COPB2: variants seen among roughly 807,000 people sequenced by gnomAD.
COPB2 encodes coat protein complex I subunit beta 2, also known as coatomer subunit beta'.
COPB2 carries 16 observed loss-of-function variants against 120.8 expected under a neutral mutation model. The ratio of observed to expected loss-of-function variants is 0.13; its 90% CI spans 0.09 to 0.20. The LOEUF (loss-of-function observed/expected upper bound fraction) is 0.20, where lower values mean the gene tolerates loss of function less well. Among genes scored for constraint, COPB2 ranks in the 10% least tolerant of loss-of-function variants. COPB2 has a pLI of 1.00. For missense variants in COPB2, 794 were observed against 1,076.5 expected (o/e 0.74, Z 3.67); for synonymous variants, 332 against 366.3 (o/e 0.91, Z 1.07).
chr3:139,386,263 GT>G (rs943792444), intron 1 of COPB2, among the ~76,000 whole-genome samples: 73 of 135,202 alleles, frequency 5.4e-4, no homozygotes, highest in African/African-American at 1.5e-3. Flanking sequence ...CTACTTTCTT[GT>G]TTTTTTTTTT....
At chr3:139,381,818 A>G (rs1246038142) in intron 2 of COPB2, 1 of 152,184 alleles carries the variant, frequency 6.6e-6, no homozygotes, top group Admixed American at 6.5e-5. Flanking sequence ...GGGAATCCCT[A>G]GGAATAATCA....
intron 1 of COPB2, among the ~76,000 whole-genome samples, chr3:139,383,637 G>T (rs1277761607): frequency 6.6e-6 from 1 of 152,102 alleles, no homozygotes. Context: ...AAGATTTACA[G>T]CAGTGGTCTT....
At chr3:139,368,323 G>T in intron 12 of COPB2, 35 bp from the exon 13 acceptor site, 1 of 1,590,452 alleles carries the variant, frequency 6.3e-7, no homozygotes, top group South Asian at 1.1e-5. Context: ...AACTGATTTG[G>T]ATTTCTGAGT....
chr3:139,385,333 G>A (rs1017589299), intron 1 of COPB2: 3 of 152,148 alleles, frequency 2.0e-5, no homozygotes, highest in Non-Finnish European at 2.9e-5. Flanking sequence ...CCCCGCACCC[G>A]GCCAATGAAT....
chr3:139,389,495 G>T (rs949192831), intron 1 of COPB2, 53 bp downstream of exon 1: 20 of 1,522,606 alleles, frequency 1.3e-5, no homozygotes, highest in Non-Finnish European at 1.8e-5. Flanking sequence ...GAAGCTCCAG[G>T]AATCGGCCGT....
chr3:139,384,943 G>A (rs932232822), intron 1 of COPB2: 2 of 152,180 alleles, frequency 1.3e-5, no homozygotes, highest in Admixed American at 6.5e-5. Flanking sequence ...GACTCTTAAG[G>A]AATCGCAGAC....
At chr3:139,371,687 TC>T in intron 10 of COPB2, 35 bp downstream of exon 10, 2 of 1,554,422 alleles carry the variant, frequency 1.3e-6, no homozygotes, top group Non-Finnish European at 1.8e-6. Context: ...ACATCTGCAA[TC>T]AGGGCATGCT....
At chr3:139,366,317 G>A (rs1941514559) in intron 15 of COPB2, among the ~76,000 whole-genome samples, 1 of 151,822 alleles carries the variant, frequency 6.6e-6, no homozygotes, top group South Asian at 2.1e-4. Flanking sequence ...TCAGGAGACT[G>A]GAAAATAAGT....
intron 15 of COPB2, 78 bp from the exon 16 acceptor site, chr3:139,362,595 CACAT>C: frequency 2.6e-6 from 2 of 761,264 alleles, no homozygotes; most frequent in Non-Finnish European, 2.0e-6. Flanking sequence ...TATATACACA[CACAT>C]ATACAGTGTA....
intron 16 of COPB2, among the ~76,000 whole-genome samples, chr3:139,362,165 T>C (rs550780686): frequency 1.3e-5 from 2 of 152,042 alleles, no homozygotes; most frequent in Non-Finnish European, 2.9e-5. Context: ...ACATAAGATA[T>C]GAAAACAATT....
intron 8 of COPB2, 121 bp downstream of exon 8, chr3:139,373,545 C>G: frequency 6.6e-7 from 1 of 1,504,746 alleles, no homozygotes; most frequent in Non-Finnish European, 9.1e-7. Context: ...TGCTTAATGT[C>G]TAGTGCTTAA....
At position 139,359,054 on chromosome 3, in the gene COPB2, A is replaced by G. The variant is rs780410915; in HGVS notation, c.2428T>C (p.Trp810Arg). The change falls in exon 19 of 22, where the codon TGG becomes CGG. Residue 810 changes from tryptophan (W) to arginine (R), a missense_variant. By Grantham distance (101) the Trp-to-Arg change is moderately radical (BLOSUM62 -3). Coordinates refer to ENST00000333188, the MANE Select transcript of COPB2 (RefSeq NM_004766.3). Reference sequence around the variant, plus strand: ...AGATCAGCATGTGTTTCCTTCACCCATTCTTCAACAACAAAGGCTTCTTTT... The same window carrying G: ...AGATCAGCATGTGTTTCCTTCACCCGTTCTTCAACAACAAAGGCTTCTTTT... ...GLKEAFVVEE[W>R]VKETHADLWP... 1 of 1,614,078 alleles carries G rather than the reference A, an allele frequency of 6.2e-7. No individual in the cohort carries two copies.
intron 2 of COPB2, chr3:139,381,745 TG>T (rs1267520031): frequency 2.0e-5 from 3 of 152,180 alleles, no homozygotes; most frequent in African/African-American, 7.2e-5. Flanking sequence ...AAAGTACGCC[TG>T]GGCTTTAGAA....
intron 8 of COPB2, 109 bp from the exon 9 acceptor site, chr3:139,373,521 C>T: frequency 2.0e-6 from 3 of 1,507,812 alleles, no homozygotes; most frequent in Non-Finnish European, 2.7e-6. Flanking sequence ...CTTTCTTCCA[C>T]TTTAAATCTT....
chr3:139,389,499 C>T (rs1295775949), intron 1 of COPB2, 49 bp downstream of exon 1: 2 of 1,523,568 alleles, frequency 1.3e-6, no homozygotes, highest in Admixed American at 1.9e-5. Context: ...CTCCAGGAAT[C>T]GGCCGTAACC....
chr3:139,366,475 G>T, intron 15 of COPB2, 93 bp downstream of exon 15: 4 of 1,132,298 alleles, frequency 3.5e-6, no homozygotes, highest in Non-Finnish European at 5.0e-6. Context: ...GAAATCAGTT[G>T]GCAATTAAGA....
chr3:139,366,067 A>G (rs1042043542), intron 15 of COPB2, among the ~76,000 whole-genome samples: 4 of 152,206 alleles, frequency 2.6e-5, no homozygotes, highest in Non-Finnish European at 5.9e-5. Flanking sequence ...GAGATATGGA[A>G]ATAAATACCA....
intron 7 of COPB2, chr3:139,374,153 C>A (rs1298366694): frequency 2.2e-5 from 9 of 409,262 alleles, no homozygotes; most frequent in African/African-American, 1.2e-4. Flanking sequence ...CATAATTTGC[C>A]CAAACACACA....
At chr3:139,375,831 T>A (rs549580591) in intron 5 of COPB2, among the ~76,000 whole-genome samples, 1 of 152,356 alleles carries the variant, frequency 6.6e-6, no homozygotes, top group South Asian at 2.1e-4. Context: ...AAGTGCCAAT[T>A]TCCAGGCTTT....
Sources: allele counts gnomAD v4.1 joint callset (sites outside exome capture counted in the v4.1 genomes callset), GRCh38; gene constraint gnomAD v4.1.1; transcripts MANE v1.5; gene names NCBI Gene and HGNC (gene_info 2026-07-23, HGNC 2026-07-21).